Variants in NOD1 observed in about 807,000 individuals in gnomAD.
NOD1 encodes nucleotide-binding oligomerization domain-containing protein 1.
A neutral mutation model predicts 81.2 loss-of-function variants in NOD1; 70 were observed. The observed-to-expected ratio is 0.86, with a 90% confidence interval of 0.71 to 1.05. NOD1 has a LOEUF of 1.05. NOD1 is among the 50% of genes least tolerant of loss of function. NOD1 has a pLI of 0.00. For missense variants in NOD1, 1,233 were observed against 1,228.0 expected (o/e 1.00, Z -0.06); for synonymous variants, 508 against 526.9 (o/e 0.96, Z 0.49).
Position 30,452,474 on chromosome 7 carries a change from C to T in NOD1, c.943G>A (p.Ala315Thr), listed in dbSNP as rs772961430. The change falls in exon 6 of 14, where the codon GCC becomes ACC. Residue 315 changes from alanine (A) to threonine (T), a missense_variant. Physicochemically the swap from Ala to Thr is moderately conservative, Grantham distance 58. Coordinates refer to ENST00000222823, the MANE Select transcript of NOD1 (RefSeq NM_006092.4). ...WEPAHPLVLL[A>T]NLLSGKLLKG... Reference sequence around the variant, plus strand: ...AGCAGCTTCCCACTGAGCAGGTTGGCCAGCAAGACCAGGGGGTGGGCAGGC... The same window carrying T: ...AGCAGCTTCCCACTGAGCAGGTTGGTCAGCAAGACCAGGGGGTGGGCAGGC... The T allele has an allele frequency of 5.6e-6, 9 of 1,613,036 alleles. No homozygotes were observed. Among genetic ancestry groups the T allele is most frequent in the Non-Finnish European group, 7.6e-6 (9 of 1,179,916 alleles).
At chr7:30,449,228 ACT>A (rs994663121) in intron 6 of NOD1, among the ~76,000 whole-genome samples, 1 of 152,194 alleles carries the variant, frequency 6.6e-6, no homozygotes, top group Non-Finnish European at 1.5e-5. Context: ...CAAGTCAGAC[ACT>A]CTGGACCCTT....
chr7:30,436,844 T>C (rs978887805), intron 10 of NOD1, among the ~76,000 whole-genome samples: 1 of 152,116 alleles, frequency 6.6e-6, no homozygotes, highest in Admixed American at 6.5e-5. Context: ...GAACCAGAAA[T>C]ACCATTTGAC....
At chr7:30,445,278 T>TAAAAAAAAAAA (rs55875433) in intron 9 of NOD1, among the ~76,000 whole-genome samples, 4 of 69,176 alleles carry the variant, frequency 5.8e-5, no homozygotes, top group Non-Finnish European at 7.6e-5. Flanking sequence ...AAAAAGAATC[T>TAAAAAAAAAAA]AAAAAAAAAA....
chr7:30,436,108 T>C, intron 10 of NOD1, 27 bp from the exon 11 acceptor site: 1 of 1,557,438 alleles, frequency 6.4e-7, no homozygotes, highest in African/African-American at 1.4e-5. Context: ...TTGGGGTGAA[T>C]TATTAAAGAC....
At position 30,425,460 on chromosome 7, in the gene NOD1, A is replaced by G; in HGVS notation, c.*178T>C. 3.2e-6 allele frequency: 2 copies of G among 620,622 alleles called. No individual in the cohort carries two copies. Among genetic ancestry groups the G allele is most frequent in the South Asian group, 1.9e-5 (1 of 51,730 alleles). The allele number at this position is 620,622 out of a possible 1,614,324, so 38.4% of individuals were successfully genotyped here. On this transcript the variant is annotated 3_prime_UTR_variant, in exon 14 of 14. Coordinates refer to ENST00000222823, the MANE Select transcript of NOD1 (RefSeq NM_006092.4). ...TTCTGCAGAATTGTAGCGGGTACTT[A>G]GGGAGTTTGCCGACCAGACCTTCTG...
At chr7:30,438,749 TAA>T (rs1160909747) in intron 9 of NOD1, among the ~76,000 whole-genome samples, 1 of 152,154 alleles carries the variant, frequency 6.6e-6, no homozygotes, top group Admixed American at 6.5e-5. Flanking sequence ...GGCATGAGAT[TAA>T]GTGAAAAAGG....
At chr7:30,429,597 G>T in intron 12 of NOD1, 140 bp from the exon 13 acceptor site, 1 of 694,600 alleles carries the variant, frequency 1.4e-6, no homozygotes, top group South Asian at 1.6e-5. Flanking sequence ...TTTGTATCTG[G>T]CTAAAAGTGT....
At position 30,451,610 on chromosome 7, in the gene NOD1, G is replaced by A; in HGVS notation, c.1807C>T (p.Leu603Phe). 6.2e-7 allele frequency: 1 copy of A among 1,613,942 alleles called. No homozygotes were observed. Among genetic ancestry groups the A allele is most frequent in the Non-Finnish European group, 8.5e-7 (1 of 1,180,034 alleles). Reference protein sequence around the residue: ...CGLLSKAKQKLLRHLVPAAAL... With the variant: ...CGLLSKAKQKFLRHLVPAAAL... The stretch of plus-strand genomic sequence containing the variant: ...GCCGCGGGCACCAGATGCCGCAGGA[G>A]TTTCTGTTTGGCTTTGGACAACAGC... Residue 603 changes from leucine (L) to phenylalanine (F), a missense_variant, in exon 6 of 14, where the codon CTC becomes TTC. Coordinates refer to ENST00000222823, the MANE Select transcript of NOD1 (RefSeq NM_006092.4). This position sits in a 1 kb window ranked among gnomAD's most constrained non-coding sequence, Gnocchi z 4.2.
intron 1 of NOD1, chr7:30,469,259 C>A (rs1583874914): frequency 1.0e-6 from 1 of 984,448 alleles, no homozygotes; most frequent in South Asian, 4.7e-5. Context: ...GATGAAGCTA[C>A]AATTATTATT....
At chr7:30,471,450 G>A (rs537917350) in intron 1 of NOD1, among the ~76,000 whole-genome samples, 1 of 152,362 alleles carries the variant, frequency 6.6e-6, no homozygotes, top group African/African-American at 2.4e-5. Flanking sequence ...ATGCCTGGAA[G>A]CAGCCAGCAT....
chr7:30,452,057 G>A lies in NOD1; in HGVS notation c.1360C>T (p.His454Tyr). ...GAGCACAGAGTGTCCCGGCCGGCGT[G>A]GAGGGTCTCCACTGGGCTGCGTGTG... ...RNTRSPVETL[H>Y]AGRDTLCSLG... The change falls in exon 6 of 14, where the codon CAC becomes TAC. Residue 454 changes from histidine (H) to tyrosine (Y), a missense_variant. His to Tyr is a moderately conservative substitution (Grantham distance 83). Transcript: ENST00000222823. 2 of 1,613,596 alleles carry A rather than the reference G, an allele frequency of 1.2e-6. No homozygotes were observed. The highest frequency in any genetic ancestry group is 1.7e-6 in the Non-Finnish European group (2 of 1,180,004).
intron 1 of NOD1, among the ~76,000 whole-genome samples, chr7:30,475,684 C>A (rs766936626): frequency 5.9e-5 from 9 of 152,180 alleles, no homozygotes; most frequent in Non-Finnish European, 1.2e-4. Flanking sequence ...GGCATGCCTG[C>A]CTTAGCCAAC....
intron 11 of NOD1, among the ~76,000 whole-genome samples, chr7:30,434,202 C>T (rs186036115): frequency 6.6e-5 from 10 of 152,220 alleles, no homozygotes; most frequent in Non-Finnish European, 1.3e-4. Flanking sequence ...CACTGGTGAA[C>T]GTTAACAGTA....
intron 1 of NOD1, among the ~76,000 whole-genome samples, chr7:30,464,420 T>C (rs1016777269): frequency 6.6e-6 from 1 of 152,224 alleles, no homozygotes; most frequent in Non-Finnish European, 1.5e-5. Context: ...CACTGAGCAC[T>C]TCCTCATGTC....
At chr7:30,471,176 G>T (rs1788242706) in intron 1 of NOD1, among the ~76,000 whole-genome samples, 1 of 151,712 alleles carries the variant, frequency 6.6e-6, no homozygotes, top group Non-Finnish European at 1.5e-5. Flanking sequence ...ACAGAGCTAA[G>T]TGGGAGAGTA....
At chr7:30,462,442 T>G (rs1787199182) in intron 1 of NOD1, among the ~76,000 whole-genome samples, 1 of 150,768 alleles carries the variant, frequency 6.6e-6, no homozygotes, top group African/African-American at 2.4e-5. Flanking sequence ...TTTTTTTTTT[T>G]GCTGTTTTTT....
chr7:30,435,284 T>A (rs1218429963), intron 11 of NOD1, among the ~76,000 whole-genome samples: 1 of 152,072 alleles, frequency 6.6e-6, no homozygotes, highest in East Asian at 1.9e-4. Context: ...CAAACCCTGA[T>A]GTGAAGACCT....
In NOD1 at chr7:30,451,939, A is replaced by C; in HGVS notation, c.1478T>G (p.Met493Arg). 1.2e-6 allele frequency: 2 copies of C among 1,613,566 alleles called. No homozygotes were observed. Among genetic ancestry groups the C allele is most frequent in the Non-Finnish European group, 1.7e-6 (2 of 1,179,988 alleles). Residue 493 changes from methionine to arginine, a missense_variant, in exon 6 of 14, where the codon ATG becomes AGG. Coordinates refer to ENST00000222823, the MANE Select transcript of NOD1 (RefSeq NM_006092.4). The surrounding 1 kb of genome is among the most constrained non-coding windows in gnomAD (Gnocchi z 4.2). The part of the protein sequence containing the change: ...VQASGLQERD[M>R]QLGFLRALPE... ...CAAAGCCCGCAGGAAGCCCAGCTGC[A>C]TGTCTCTCTCCTGCAGCCCGGAGGC...
In NOD1 at chr7:30,452,903, CATTG is replaced by C; in HGVS notation, c.510_513del (p.Ser170ArgfsTer7). 6.2e-7 allele frequency: 1 copy of C among 1,614,046 alleles called. No homozygotes were observed. The highest frequency in any genetic ancestry group is 8.5e-7 in the Non-Finnish European group (1 of 1,180,026). On this transcript the variant is annotated frameshift_variant, in exon 6 of 14. Transcript: ENST00000222823. LOFTEE classifies it high-confidence loss of function. ...AGGCTGTTCAGGCTGCCCAGGCTCTCATTGCTGAAGCCAACCAGCTCCATGATGG... is the reference window on the plus strand; with the variant it reads ...AGGCTGTTCAGGCTGCCCAGGCTCTCCTGAAGCCAACCAGCTCCATGATGG...
Sources: allele counts gnomAD v4.1 joint callset (sites outside exome capture counted in the v4.1 genomes callset), GRCh38; gene constraint gnomAD v4.1.1; non-coding constraint Gnocchi (gnomAD v3.1); transcripts MANE v1.5; gene names NCBI Gene and HGNC (gene_info 2026-07-23, HGNC 2026-07-21).